The following PREPL variants were observed in gnomAD, a reference collection of about 807,000 sequenced individuals.
PREPL encodes the protein prolyl endopeptidase-like.
PREPL carries 77 observed loss-of-function variants against 70.6 expected under a neutral mutation model. The observed-to-expected ratio is 1.09, with a 90% confidence interval of 0.91 to 1.32. The LOEUF (loss-of-function observed/expected upper bound fraction) is 1.32, where lower values mean the gene tolerates loss of function less well. Among genes scored for constraint, PREPL ranks in the 40% most tolerant of loss-of-function variants. PREPL has a pLI of 0.00. For synonymous variants in PREPL, 315 were observed against 264.8 expected, an observed-to-expected ratio of 1.19 and a Z score of -1.84; for missense variants, 1,002 against 778.2, an observed-to-expected ratio of 1.29 and a Z score of -3.42.
Position 44,319,097 on chromosome 2 carries a change from A to G in PREPL, c.*2259T>C, listed in dbSNP as rs1414382385. On this transcript the variant is annotated 3_prime_UTR_variant, in exon 14 of 14. Coordinates refer to ENST00000409411, the MANE Select transcript of PREPL (RefSeq NM_001171613.2). Reference sequence around the variant, plus strand: ...TGTTAATAACTTAGACAAGTCATACATGTATCATAAATATCTTTGTACCTG... The same window carrying G: ...TGTTAATAACTTAGACAAGTCATACGTGTATCATAAATATCTTTGTACCTG... The G allele has an allele frequency of 5.2e-5, 8 of 152,608 alleles. No homozygotes were observed. The highest frequency in any genetic ancestry group is 1.2e-4 in the Non-Finnish European group (8 of 68,044). 9.5% of individuals were successfully genotyped at this position (152,608 alleles called of 1,614,324 possible).
upstream of PREPL, chr2:44,361,813 T>A: frequency 9.2e-7 from 1 of 1,091,386 alleles, no homozygotes; most frequent in Non-Finnish European, 1.2e-6. Context: ...AATGGTGCAA[T>A]GGCGTGACAG....
chr2:44,321,375 T>C lies in PREPL; in HGVS notation c.1898A>G (p.Lys633Arg). ...AGTGTTTCAGAATTTCAGGTATTTC[T>C]TAAGATCCTCGAAAACACTGGTGCT... The part of the protein sequence containing the change: ...LDSTSVFEDL[K>R]KYLKF The change falls in exon 14 of 14, where the codon AAG becomes AGG. Residue 633 changes from lysine (K) to arginine (R), a missense_variant. Physicochemically the swap from Lys to Arg is conservative, Grantham distance 26. Transcript: ENST00000409411. The C allele has an allele frequency of 1.2e-6, 2 of 1,609,918 alleles. No homozygotes were observed. Among genetic ancestry groups the C allele is most frequent in the Non-Finnish European group, 1.7e-6 (2 of 1,176,360 alleles).
intron 10 of PREPL, among the ~76,000 whole-genome samples, chr2:44,323,721 TG>T (rs1196205046): frequency 2.0e-5 from 3 of 152,228 alleles, no homozygotes; most frequent in African/African-American, 4.8e-5. Flanking sequence ...TAAATGCTAC[TG>T]TCTCATACCA....
Position 44,338,605 on chromosome 2 carries a change from T to C in PREPL, c.703-69A>G, listed in dbSNP as rs1278050317. The C allele has an allele frequency of 5.4e-6, 7 of 1,289,914 alleles. No individual in the cohort carries two copies. In the African/African-American group the frequency reaches 1.0e-4, roughly 19 times the overall value. 79.9% of individuals were successfully genotyped at this position (1,289,914 alleles called of 1,614,324 possible). A position where few individuals can be genotyped will look rare whatever the true frequency, so the allele number is the denominator to read the frequency against. ...AAGGCTGCAGCATCCAGAGATGCAA[T>C]CACTGAGAACTAGACCATACTAGTC... On this transcript the variant is annotated intron_variant, in intron 6 of 13. Transcript: ENST00000409411.
rs1672794129 is a variant in PREPL at position 44,320,081 on chromosome 2, A to G, written c.*1275T>C. On this transcript the variant is annotated 3_prime_UTR_variant, in exon 14 of 14. Coordinates refer to ENST00000409411, the MANE Select transcript of PREPL (RefSeq NM_001171613.2). ...TATTGATGCTTACAATTTGGCAATTATAAGGGGCAAAATTGGAGCAAGTGT... is the reference window on the plus strand; with the variant it reads ...TATTGATGCTTACAATTTGGCAATTGTAAGGGGCAAAATTGGAGCAAGTGT... 2.4e-6 allele frequency: 2 copies of G among 840,464 alleles called. No individual in the cohort carries two copies. Among genetic ancestry groups the G allele is most frequent in the East Asian group, 2.7e-5 (1 of 37,716 alleles). The allele number at this position is 840,464 out of a possible 1,614,324, so 52.1% of individuals were successfully genotyped here. A position where few individuals can be genotyped will look rare whatever the true frequency, so the allele number is the denominator to read the frequency against.
Position 44,329,307 on chromosome 2 carries a change from C to A in PREPL, c.1087-195G>T, listed in dbSNP as rs191294643. ...CTTTTGGTTTCAGCTACCTTGCTGTCCTACAGTATTAACCAGAAAAGAGCA... is the reference window on the plus strand; with the variant it reads ...CTTTTGGTTTCAGCTACCTTGCTGTACTACAGTATTAACCAGAAAAGAGCA... On this transcript the variant is annotated intron_variant, in intron 8 of 13. Transcript: ENST00000409411. Among the ~76,000 whole-genome samples the A allele has an allele frequency of 2.6e-4, 39 of 152,282 alleles. 1 individual carries two copies. Among genetic ancestry groups the A allele is most frequent in the Admixed American group, 9.8e-4 (15 of 15,286 alleles).
chr2:44,317,787 A>C lies in PREPL; in HGVS notation c.*3569T>G. On this transcript the variant is annotated 3_prime_UTR_variant, in exon 14 of 14. Transcript: ENST00000409411. ...TTAATAGAAAAAAACCCTAAACAAT[A>C]GTATAACTACAAATAAAATAGGGCT... 6.5e-6 allele frequency: 1 copy of C among 154,920 alleles called. No individual in the cohort carries two copies. Among genetic ancestry groups the C allele is most frequent in the East Asian group, 1.9e-4 (1 of 5,226 alleles). The allele number at this position is 154,920 out of a possible 1,614,324, so 9.6% of individuals were successfully genotyped here.
In PREPL at chr2:44,344,503, G is replaced by A; in HGVS notation, c.142+17C>T. 1.3e-6 allele frequency: 2 copies of A among 1,532,976 alleles called. No homozygotes were observed. The highest frequency in any genetic ancestry group is 2.3e-5 in the East Asian group (1 of 42,956). 95.0% of individuals were successfully genotyped at this position (1,532,976 alleles called of 1,614,324 possible). On this transcript the variant is annotated intron_variant, in intron 3 of 13. Coordinates refer to ENST00000409411, the MANE Select transcript of PREPL (RefSeq NM_001171613.2). ...ATCTGAAAATTAGAGCACGTAAAAA[G>A]AAAAATTGTGGTGTACCTTCTTCAT...
In PREPL at chr2:44,321,428, T is replaced by C. The variant is rs1170535374; in HGVS notation, c.1845A>G (p.Lys615=). The part of the protein sequence containing the change: ...DSHKKITAQI[K]FLYEELGLDS... ...CAAGTCCAAGTTCCTCGTACAGGAATTTAATTTGGGCTGTAATCTAAAAGA... is the reference window on the plus strand; with the variant it reads ...CAAGTCCAAGTTCCTCGTACAGGAACTTAATTTGGGCTGTAATCTAAAAGA... Residue 615 remains lysine, a synonymous_variant, in exon 14 of 14, where the codon AAA becomes AAG. Coordinates refer to ENST00000409411, the MANE Select transcript of PREPL (RefSeq NM_001171613.2). 1.2e-6 allele frequency: 2 copies of C among 1,612,840 alleles called. No individual in the cohort carries two copies. Among genetic ancestry groups the C allele is most frequent in the African/African-American group, 2.7e-5 (2 of 74,984 alleles).
chr2:44,361,710 GA>G (rs1276245082), upstream of PREPL: 5 of 371,732 alleles, frequency 1.3e-5, no homozygotes, highest in Non-Finnish European at 1.4e-5. Flanking sequence ...ATGAAGCACA[GA>G]AGGCTAAAAC....
chr2:44,331,475 G>A (rs189994276), intron 8 of PREPL, among the ~76,000 whole-genome samples: 18 of 152,184 alleles, frequency 1.2e-4, no homozygotes, highest in African/African-American at 4.1e-4. Flanking sequence ...CAAAGTGCTG[G>A]GATTATAGGT....
chr2:44,348,267 A>C (rs1197934162), intron 1 of PREPL, among the ~76,000 whole-genome samples: 3 of 152,188 alleles, frequency 2.0e-5, no homozygotes, highest in Non-Finnish European at 2.9e-5. Flanking sequence ...TTCATTTTTA[A>C]AGCATTTCTA....
chr2:44,359,724 A>C (rs1677458327), intron 1 of PREPL: 1 of 1,580,414 alleles, frequency 6.3e-7, no homozygotes, highest in Non-Finnish European at 8.7e-7. Context: ...ATGATATCAA[A>C]GTCCCTGGTT....
At chr2:44,340,770 A>G (rs932810383) in intron 5 of PREPL, among the ~76,000 whole-genome samples, 3 of 152,046 alleles carry the variant, frequency 2.0e-5, no homozygotes, top group Non-Finnish European at 2.9e-5. Flanking sequence ...TCCACAAAAA[A>G]TACAAAAATT....
chr2:44,339,303 G>A lies in PREPL; in HGVS notation c.546C>T (p.Asn182=), dbSNP rs200837029. The part of the protein sequence containing the change: ...DSRFLTINIM[N]KTTSEVWLID... ...TCAACCACACTTCAGAAGTAGTCTT[G>A]TTCATAATATTTATGGTGAGGAAAC... The change falls in exon 6 of 14, where the codon AAC becomes AAT. Residue 182 remains asparagine (N), a synonymous_variant. Transcript: ENST00000409411. The A allele has an allele frequency of 3.7e-6, 6 of 1,613,966 alleles. No individual in the cohort carries two copies. The African/African-American group carries it at 8.0e-5, about 22-fold the overall frequency.
chr2:44,329,015 A>T lies in PREPL; in HGVS notation c.1184T>A (p.Met395Lys). 3.1e-6 allele frequency: 5 copies of T among 1,614,004 alleles called. No individual in the cohort carries two copies. The highest frequency in any genetic ancestry group is 4.2e-6 in the Non-Finnish European group (5 of 1,179,904). ...LLVHVYGAYG[M>K]DLKMNFRPER... ...AGGCCTGAAATTCATTTTCAAATCC[A>T]TTCCATAAGCTCCATATACATGTAC... Residue 395 changes from methionine (M) to lysine (K), a missense_variant, in exon 9 of 14, where the codon ATG becomes AAG. Coordinates refer to ENST00000409411, the MANE Select transcript of PREPL (RefSeq NM_001171613.2).
chr2:44,328,863 G>A (rs1263399068), intron 9 of PREPL, 74 bp downstream of exon 9: 1 of 1,367,860 alleles, frequency 7.3e-7, no homozygotes, highest in South Asian at 1.6e-5. Context: ...TTTGTTCCCT[G>A]ATATATATTG....
chr2:44,325,619 A>T (rs991881980), intron 10 of PREPL, among the ~76,000 whole-genome samples: 1 of 152,124 alleles, frequency 6.6e-6, no homozygotes, highest in African/African-American at 2.4e-5. Flanking sequence ...TAAAAGTCAA[A>T]ATCTAGTTGC....
At chr2:44,333,852 C>A (rs930749852) in intron 7 of PREPL, among the ~76,000 whole-genome samples, 1 of 152,090 alleles carries the variant, frequency 6.6e-6, no homozygotes, top group African/African-American at 2.4e-5. Flanking sequence ...AAAGGAAGCA[C>A]TGCTACAAAC....
Sources: gnomAD v4.1 joint callset for allele counts (sites outside exome capture counted in the v4.1 genomes callset) on GRCh38, gnomAD v4.1.1 for gene constraint, MANE v1.5 for transcripts, NCBI Gene and HGNC (gene_info 2026-07-23, HGNC 2026-07-21) for gene names.